The following CYP2U1 variants were observed in gnomAD, a reference collection of about 807,000 sequenced individuals.
CYP2U1 encodes cytochrome P450 2U1.
Under a neutral mutation model 42.8 loss-of-function variants are expected in CYP2U1, and 28 were observed. The ratio of observed to expected loss-of-function variants is 0.65; its 90% CI spans 0.48 to 0.90. The LOEUF (loss-of-function observed/expected upper bound fraction) is 0.90. Ranked by LOEUF, CYP2U1 falls within the 40% of genes least tolerant of loss-of-function variation. The pLI, the probability that CYP2U1 is intolerant of heterozygous loss-of-function variation, is 0.00. For synonymous variants in CYP2U1, 296 were observed against 278.9 expected (o/e 1.06, Z -0.61); for missense variants, 642 against 693.8 (o/e 0.93, Z 0.84).
intron 1 of CYP2U1, chr4:107,938,142 T>G (rs1733345905): frequency 6.6e-6 from 1 of 152,198 alleles, no homozygotes. Flanking sequence ...ATGCCATATC[T>G]TTACATAAAC....
At position 107,950,289 on chromosome 4, in the gene CYP2U1, T is replaced by C. The variant is rs1476564989; in HGVS notation, c.1501T>C (p.Phe501Leu). Reference sequence around the variant, plus strand: ...AGAACAACTGGCAAAGATGGAATTATTCCTAATGTTTGTGAGCCTAATGCA... The same window carrying C: ...AGAACAACTGGCAAAGATGGAATTACTCCTAATGTTTGTGAGCCTAATGCA... ...MGEQLAKMELFLMFVSLMQSF... is the reference protein window; with the variant it reads ...MGEQLAKMELLLMFVSLMQSF... The change falls in exon 5 of 5, where the codon TTC (phenylalanine) becomes CTC (leucine). Residue 501 changes from phenylalanine to leucine, a missense_variant. Physicochemically the swap from Phe to Leu is conservative, Grantham distance 22. Coordinates refer to ENST00000332884, the MANE Select transcript of CYP2U1 (RefSeq NM_183075.3). The C allele has an allele frequency of 6.2e-7, 1 of 1,613,804 alleles. No individual in the cohort carries two copies. The highest frequency in any genetic ancestry group is 8.5e-7 in the Non-Finnish European group (1 of 1,179,970).
chr4:107,936,962 G>C (rs1425275930), intron 1 of CYP2U1, among the ~76,000 whole-genome samples: 1 of 152,102 alleles, frequency 6.6e-6, no homozygotes, highest in Admixed American at 6.6e-5. Flanking sequence ...GGTAAATTTT[G>C]CATTTTTTTG....
intron 1 of CYP2U1, among the ~76,000 whole-genome samples, chr4:107,933,869 T>G (rs902896796): frequency 3.3e-5 from 5 of 151,132 alleles, no homozygotes; most frequent in African/African-American, 1.2e-4. Flanking sequence ...CAGATGTGTT[T>G]TTTTGATCTG....
intron 1 of CYP2U1, chr4:107,938,351 T>C (rs1733353689): frequency 6.6e-6 from 1 of 152,222 alleles, no homozygotes; most frequent in Non-Finnish European, 1.5e-5. Context: ...AGCCATAAAA[T>C]AAATTTAAGT....
At chr4:107,937,394 A>T (rs562859621) in intron 1 of CYP2U1, 1 of 152,214 alleles carries the variant, frequency 6.6e-6, no homozygotes, top group Non-Finnish European at 1.5e-5. Flanking sequence ...CTATGATCCT[A>T]TGGAAGAAAA....
intron 3 of CYP2U1, among the ~76,000 whole-genome samples, chr4:107,948,823 C>T (rs1317559968): frequency 6.6e-6 from 1 of 151,984 alleles, no homozygotes; most frequent in African/African-American, 2.4e-5. Flanking sequence ...GATCACTTAA[C>T]GGGTTTTTTT....
Position 107,931,607 on chromosome 4 carries a change from G to A in CYP2U1, c.-37G>A, listed in dbSNP as rs112053024. 28,671 of 1,246,234 alleles carry A rather than the reference G, an allele frequency of 0.023. 863 individuals carry two copies. The highest frequency in any genetic ancestry group is 0.14 in the African/African-American group (9,138 of 64,648). 77.2% of individuals were successfully genotyped at this position (1,246,234 alleles called of 1,614,324 possible). A position where few individuals can be genotyped will look rare whatever the true frequency, so the allele number is the denominator to read the frequency against. ...GCAGCTGCGTGCGCGTCTCCTCCAGGCAGCAAGGGGAACCCGAGGCCGCCG... is the reference window on the plus strand; with the variant it reads ...GCAGCTGCGTGCGCGTCTCCTCCAGACAGCAAGGGGAACCCGAGGCCGCCG... On this transcript the variant is annotated 5_prime_UTR_variant, in exon 1 of 5. Transcript: ENST00000332884.
intron 1 of CYP2U1, chr4:107,937,336 T>TA (rs1372255094): frequency 1.3e-5 from 2 of 152,182 alleles, no homozygotes; most frequent in Non-Finnish European, 2.9e-5. Flanking sequence ...TTGAAATAGT[T>TA]ATGCACTCAC....
intron 1 of CYP2U1, among the ~76,000 whole-genome samples, chr4:107,932,828 G>A (rs528721851): frequency 6.6e-6 from 1 of 152,264 alleles, no homozygotes; most frequent in East Asian, 1.9e-4. Context: ...CCTTTTCCTT[G>A]GGGAAGCCTT....
intron 1 of CYP2U1, chr4:107,935,664 A>G (rs922236648): frequency 3.0e-4 from 46 of 152,334 alleles, no homozygotes; most frequent in African/African-American, 1.1e-3. Flanking sequence ...CAAAGGATGA[A>G]GGAACAGATG....
Position 107,949,379 on chromosome 4 carries a change from ACATTGATCTTACC to A in CYP2U1, c.1321_1333del (p.Leu441ThrfsTer30), listed in dbSNP as rs1281586634. ...CCAAGGGTATACCATTCCTAAAGGCACATTGATCTTACCCAACCTGTGGTCAGTACATAGAGAC... is the reference window on the plus strand; with the variant it reads ...CCAAGGGTATACCATTCCTAAAGGCACAACCTGTGGTCAGTACATAGAGAC... On this transcript the variant is annotated frameshift_variant, in exon 4 of 5. Transcript: ENST00000332884. LOFTEE classifies it high-confidence loss of function. 1 of 1,588,790 alleles carries A rather than the reference ACATTGATCTTACC, an allele frequency of 6.3e-7. No homozygotes were observed. The highest frequency in any genetic ancestry group is 1.4e-5 in the African/African-American group (1 of 73,738).
Position 107,931,826 on chromosome 4 carries a change from C to A in CYP2U1, c.183C>A (p.Pro61=). ...GGCGCCGGGCGCGGGGCATCCCGCCCGGGCCCACGCCCTGGCCTCTGGTGG... is the reference window on the plus strand; with the variant it reads ...GGCGCCGGGCGCGGGGCATCCCGCCAGGGCCCACGCCCTGGCCTCTGGTGG... ...LRRRRARGIP[P]GPTPWPLVGN... is the part of the protein sequence containing the mutation. The change falls in exon 1 of 5, where the codon CCC becomes CCA. Residue 61 remains proline (P), a synonymous_variant. Coordinates refer to ENST00000332884, the MANE Select transcript of CYP2U1 (RefSeq NM_183075.3). 6.5e-7 allele frequency: 1 copy of A among 1,530,120 alleles called. No individual in the cohort carries two copies. Among genetic ancestry groups the A allele is most frequent in the Non-Finnish European group, 8.8e-7 (1 of 1,137,156 alleles). The allele number at this position is 1,530,120 out of a possible 1,614,324, so 94.8% of individuals were successfully genotyped here.
At chr4:107,936,981 A>G (rs1215359808) in intron 1 of CYP2U1, among the ~76,000 whole-genome samples, 2 of 152,090 alleles carry the variant, frequency 1.3e-5, no homozygotes, top group African/African-American at 4.8e-5. Flanking sequence ...TGCTCTTACA[A>G]ACTATGCTAC....
rs1258658062 is a variant in CYP2U1, at chr4:107,947,390, G to A, written c.1141G>A (p.Glu381Lys). 2 of 1,614,002 alleles carry A rather than the reference G, an allele frequency of 1.2e-6. No individual in the cohort carries two copies. Among genetic ancestry groups the A allele is most frequent in the African/African-American group, 1.3e-5 (1 of 74,916 alleles). ...NPDVQEKVHE[E>K]IERVIGANRA... Reference sequence around the variant, plus strand: ...TTTTTACATAGAAAAGGTTCATGAAGAAATTGAAAGAGTCATTGGCGCCAA... The same window carrying A: ...TTTTTACATAGAAAAGGTTCATGAAAAAATTGAAAGAGTCATTGGCGCCAA... The change falls in exon 3 of 5, where the codon GAA becomes AAA. Residue 381 changes from glutamate to lysine, a missense_variant. By Grantham distance (56) the Glu-to-Lys change is moderately conservative. Coordinates refer to ENST00000332884, the MANE Select transcript of CYP2U1 (RefSeq NM_183075.3).
intron 1 of CYP2U1, among the ~76,000 whole-genome samples, chr4:107,935,375 A>G (rs1468526455): frequency 1.3e-5 from 2 of 152,104 alleles, no homozygotes; most frequent in Admixed American, 1.3e-4. Flanking sequence ...TATTCCCCCA[A>G]GAGACAGGAT....
Position 107,950,353 on chromosome 4 carries a change from C to T in CYP2U1, c.1565C>T (p.Pro522Leu). 6.2e-7 allele frequency: 1 copy of T among 1,613,974 alleles called. No homozygotes were observed. The highest frequency in any genetic ancestry group is 8.5e-7 in the Non-Finnish European group (1 of 1,179,980). ...GCTTTACCTGAGGATTCTAAGAAGC[C>T]CCTCCTGACTGGAAGATTTGGTCTA... Reference protein sequence around the residue: ...AFALPEDSKKPLLTGRFGLTL... With the variant: ...AFALPEDSKKLLLTGRFGLTL... Residue 522 changes from proline to leucine, a missense_variant, in exon 5 of 5, where the codon CCC becomes CTC. By Grantham distance (98) the Pro-to-Leu change is moderately conservative. Transcript: ENST00000332884.
chr4:107,933,778 C>T (rs547091026), intron 1 of CYP2U1, among the ~76,000 whole-genome samples: 1 of 152,234 alleles, frequency 6.6e-6, no homozygotes, highest in South Asian at 2.1e-4. Context: ...ATAATACCTA[C>T]TACAATGTAA....
chr4:107,944,628 G>A (rs982358708), intron 1 of CYP2U1, among the ~76,000 whole-genome samples: 2 of 151,218 alleles, frequency 1.3e-5, no homozygotes, highest in African/African-American at 2.4e-5. Flanking sequence ...TTCTAAGCCT[G>A]GATTCACTCT....
At chr4:107,938,453 T>C (rs1194642791) in intron 1 of CYP2U1, 1 of 152,240 alleles carries the variant, frequency 6.6e-6, no homozygotes, top group Non-Finnish European at 1.5e-5. Context: ...AATAGAGGGC[T>C]TTTCCTTTTG....
Sources: allele counts gnomAD v4.1 joint callset (sites outside exome capture counted in the v4.1 genomes callset), GRCh38; gene constraint gnomAD v4.1.1; transcripts MANE v1.5; gene names NCBI Gene and HGNC (gene_info 2026-07-23, HGNC 2026-07-21).